DOK6: variants seen among roughly 807,000 people sequenced by gnomAD.
DOK6 encodes docking protein 6, also known as downstream of tyrosine kinase 6.
DOK6 carries 22 observed loss-of-function variants against 44.0 expected under a neutral mutation model. That is an observed-to-expected ratio of 0.50 (90% confidence interval 0.36 to 0.71). The LOEUF is 0.71. Ranked by LOEUF, DOK6 falls within the 30% of genes least tolerant of loss-of-function variation. The pLI is 0.00. For synonymous variants in DOK6, 166 were observed against 145.5 expected, an observed-to-expected ratio of 1.14 and a Z score of -1.01; for missense variants, 340 against 416.4, an observed-to-expected ratio of 0.82 and a Z score of 1.60.
At chr18:69,475,873 T>A (rs931325450) in intron 1 of DOK6, among the ~76,000 whole-genome samples, 5 of 152,236 alleles carry the variant, frequency 3.3e-5, no homozygotes, top group Admixed American at 6.5e-5. Context: ...ATTGAATGTT[T>A]ATTTTTTATT....
At chr18:69,588,368 T>C (rs1260265679) in intron 2 of DOK6, among the ~76,000 whole-genome samples, 1 of 152,128 alleles carries the variant, frequency 6.6e-6, no homozygotes, top group Non-Finnish European at 1.5e-5. Context: ...TTAAAACATG[T>C]GTGTTTTTCC....
chr18:69,550,586 C>T (rs1003140389), intron 1 of DOK6, among the ~76,000 whole-genome samples: 3 of 151,976 alleles, frequency 2.0e-5, no homozygotes, highest in Non-Finnish European at 4.4e-5. Context: ...ACATCAGTAT[C>T]GGATGGTGTT....
intron 7 of DOK6, among the ~76,000 whole-genome samples, chr18:69,779,213 A>G (rs981311877): frequency 6.6e-6 from 1 of 152,120 alleles, no homozygotes; most frequent in Admixed American, 6.6e-5. Flanking sequence ...CCAAATGGTC[A>G]TGTACTTTCC....
Position 69,647,986 on chromosome 18 carries a change from G to C in DOK6, c.290-29748G>C, listed in dbSNP as rs548028737. On this transcript the variant is annotated intron_variant, in intron 3 of 7. Transcript: ENST00000382713. ...ATCTTTATTCATTTGTTTACATACT[G>C]CTTTATTTTAGGACAGGATTACAGT... 9.2e-5 allele frequency among the ~76,000 whole-genome samples: 14 copies of C among 152,244 alleles called. No individual in the cohort carries two copies. The East Asian group carries it at 2.5e-3, about 27-fold the overall frequency.
At chr18:69,689,545 T>A (rs188397204) in intron 4 of DOK6, among the ~76,000 whole-genome samples, 40 of 152,342 alleles carry the variant, frequency 2.6e-4, no homozygotes, top group African/African-American at 9.4e-4. Flanking sequence ...TCGCTCTATA[T>A]GTATTTTGAA....
intron 5 of DOK6, among the ~76,000 whole-genome samples, chr18:69,716,076 C>T (rs1599281833): frequency 1.3e-5 from 2 of 152,166 alleles, no homozygotes; most frequent in Non-Finnish European, 1.5e-5. Flanking sequence ...TTAGCAGCTG[C>T]GTCCCAGATC....
At chr18:69,703,288 T>C (rs1467940719) in intron 5 of DOK6, among the ~76,000 whole-genome samples, 1 of 152,240 alleles carries the variant, frequency 6.6e-6, no homozygotes, top group Non-Finnish European at 1.5e-5. Flanking sequence ...TTAGATATTA[T>C]GATTTAAATC....
chr18:69,490,591 T>G (rs1980708407), intron 1 of DOK6, among the ~76,000 whole-genome samples: 1 of 152,098 alleles, frequency 6.6e-6, no homozygotes, highest in African/African-American at 2.4e-5. Context: ...ATACAAACTA[T>G]TCACTTAAAA....
intron 3 of DOK6, among the ~76,000 whole-genome samples, chr18:69,633,995 G>C (rs1414439860): frequency 1.3e-5 from 2 of 151,692 alleles, no homozygotes; most frequent in African/African-American, 4.8e-5. Context: ...TAAATGAAAA[G>C]AGACTATTAA....
At chr18:69,416,153 G>C (rs1190480884) in intron 1 of DOK6, among the ~76,000 whole-genome samples, 1 of 129,676 alleles carries the variant, frequency 7.7e-6, no homozygotes, top group Non-Finnish European at 1.7e-5. Flanking sequence ...ACGGAGGGAG[G>C]GAGGGAAGGA....
At chr18:69,646,755 G>C (rs1268387021) in intron 3 of DOK6, among the ~76,000 whole-genome samples, 1 of 152,086 alleles carries the variant, frequency 6.6e-6, no homozygotes, top group Non-Finnish European at 1.5e-5. Context: ...TCACGACCAG[G>C]CCCCTCCTGG....
At chr18:69,566,029 T>TG (rs1982968852) in intron 2 of DOK6, among the ~76,000 whole-genome samples, 1 of 152,192 alleles carries the variant, frequency 6.6e-6, no homozygotes, top group African/African-American at 2.4e-5. Flanking sequence ...GCATATTATA[T>TG]CTTATTTGGA....
At chr18:69,634,846 G>A (rs1984766958) in intron 3 of DOK6, among the ~76,000 whole-genome samples, 1 of 152,048 alleles carries the variant, frequency 6.6e-6, no homozygotes, top group South Asian at 2.1e-4. Flanking sequence ...CATATTACTG[G>A]TAAAATTAAA....
chr18:69,457,313 G>A (rs1979657918), intron 1 of DOK6, among the ~76,000 whole-genome samples: 1 of 152,164 alleles, frequency 6.6e-6, no homozygotes, highest in Admixed American at 6.5e-5. Flanking sequence ...CTTATCTTGA[G>A]TTAATTTTTG....
chr18:69,741,905 T>C (rs577992973), intron 6 of DOK6, among the ~76,000 whole-genome samples: 1 of 152,286 alleles, frequency 6.6e-6, no homozygotes, highest in South Asian at 2.1e-4. Context: ...GAAAGTTGGA[T>C]AAAAAAACTC....
At chr18:69,544,458 G>A (rs1982348994) in intron 1 of DOK6, among the ~76,000 whole-genome samples, 1 of 151,564 alleles carries the variant, frequency 6.6e-6, no homozygotes, top group Non-Finnish European at 1.5e-5. Context: ...TAATGGGAAA[G>A]CAGTCAGTAA....
chr18:69,600,482 C>T (rs923456554), intron 3 of DOK6, among the ~76,000 whole-genome samples: 2 of 151,950 alleles, frequency 1.3e-5, no homozygotes, highest in African/African-American at 2.4e-5. Flanking sequence ...CATTTAAAAT[C>T]GACATTTTGG....
intron 6 of DOK6, among the ~76,000 whole-genome samples, chr18:69,746,246 A>G (rs1599302150): frequency 6.6e-6 from 1 of 152,212 alleles, no homozygotes; most frequent in East Asian, 1.9e-4. Context: ...TGGTCCATAC[A>G]TGATTTTATT....
chr18:69,663,800 G>A (rs1985588947), intron 3 of DOK6, among the ~76,000 whole-genome samples: 1 of 152,136 alleles, frequency 6.6e-6, no homozygotes. Flanking sequence ...GTGTGACTCT[G>A]GTGGCTGTCT....
Sources: gnomAD v4.1 joint callset for allele counts (sites outside exome capture counted in the v4.1 genomes callset) on GRCh38, gnomAD v4.1.1 for gene constraint, MANE v1.5 for transcripts, NCBI Gene and HGNC (gene_info 2026-07-23, HGNC 2026-07-21) for gene names.